DAB1: variants seen among roughly 807,000 people sequenced by gnomAD.
DAB1 encodes the protein disabled homolog 1.
Under a neutral mutation model 64.6 loss-of-function variants are expected in DAB1, and 15 were observed. That is an observed-to-expected ratio of 0.23 (90% CI 0.16 to 0.36). The LOEUF is 0.36. DAB1 is among the 10% of genes least tolerant of loss of function. The pLI is 1.00. For missense variants in DAB1, 596 were observed against 706.7 expected, an observed-to-expected ratio of 0.84 and a Z score of 1.78; for synonymous variants, 235 against 251.9, an observed-to-expected ratio of 0.93 and a Z score of 0.64.
At chr1:58,002,283 G>A (rs1280567080) in intron 5 of DAB1, among the ~76,000 whole-genome samples, 1 of 152,158 alleles carries the variant, frequency 6.6e-6, no homozygotes, top group African/African-American at 2.4e-5. Flanking sequence ...TTCCTTAACT[G>A]ATGAATTGGC....
In DAB1 at chr1:57,163,293, A is replaced by G. The variant is rs572249844; in HGVS notation, c.68-17864T>C. ...GAGTGACTGGGAAAGGGTGGGGAAC[A>G]ATTAATTTAGACAGGCTGGTCCATG... On this transcript the variant is annotated intron_variant, in intron 2 of 14. Transcript: ENST00000371236. 5.3e-5 allele frequency among the ~76,000 whole-genome samples: 8 copies of G among 152,310 alleles called. No individual in the cohort carries two copies. The South Asian group carries it at 1.7e-3, about 32-fold the overall frequency.
At chr1:58,337,728 A>G in intron 4 of DAB1, among the ~76,000 whole-genome samples, 1 of 152,318 alleles carries the variant, frequency 6.6e-6, no homozygotes, top group South Asian at 2.1e-4. Context: ...ATACATGTGT[A>G]TTAATCATAT....
intron 6 of DAB1, among the ~76,000 whole-genome samples, chr1:57,808,900 C>G (rs12024987): frequency 0.22 from 33,927 of 151,884 alleles, 4,291 homozygotes; most frequent in African/African-American, 0.35. Context: ...GATTGCAACT[C>G]TGTGTGAGCT....
chr1:57,559,456 G>C (rs1645026528), intron 7 of DAB1, among the ~76,000 whole-genome samples: 1 of 152,172 alleles, frequency 6.6e-6, no homozygotes, highest in African/African-American at 2.4e-5. Context: ...GGGGACCTCT[G>C]GCCTTTTAAC....
intron 9 of DAB1, among the ~76,000 whole-genome samples, chr1:57,057,471 T>C (rs1216360476): frequency 6.6e-6 from 1 of 152,208 alleles, no homozygotes; most frequent in Non-Finnish European, 1.5e-5. Context: ...ATGTAACTGA[T>C]ACACTCTTAA....
At chr1:57,828,049 C>T (rs1358618420) in intron 1 of DAB1, among the ~76,000 whole-genome samples, 1 of 152,110 alleles carries the variant, frequency 6.6e-6, no homozygotes, top group Non-Finnish European at 1.5e-5. Context: ...GGGTTCACGC[C>T]ATTCTCCTGC....
intron 5 of DAB1, among the ~76,000 whole-genome samples, chr1:57,964,524 G>T (rs2040096): frequency 0.4 from 60,215 of 151,998 alleles, 12,573 homozygotes; most frequent in Admixed American, 0.49. Flanking sequence ...GCCTATTTCA[G>T]TACAGAGAGT....
At chr1:58,255,272 T>C (rs1474638803) in intron 4 of DAB1, among the ~76,000 whole-genome samples, 1 of 151,802 alleles carries the variant, frequency 6.6e-6, no homozygotes, top group African/African-American at 2.4e-5. Context: ...TGTAAATTTG[T>C]TTGAGTTCAT....
intron 1 of DAB1, among the ~76,000 whole-genome samples, chr1:57,297,482 A>C (rs906586903): frequency 1.3e-5 from 2 of 152,142 alleles, no homozygotes; most frequent in Admixed American, 1.3e-4. Context: ...GAAAAAACAC[A>C]TATACATGTA....
At chr1:57,322,321 A>AT (rs1360779261) in intron 1 of DAB1, among the ~76,000 whole-genome samples, 1 of 152,112 alleles carries the variant, frequency 6.6e-6, no homozygotes, top group Admixed American at 6.5e-5. Context: ...TCATATTGTG[A>AT]TTTTCTTAGC....
At chr1:58,146,878 G>A (rs1288131121) in intron 5 of DAB1, among the ~76,000 whole-genome samples, 1 of 152,018 alleles carries the variant, frequency 6.6e-6, no homozygotes, top group Non-Finnish European at 1.5e-5. Context: ...CTTGGCTATT[G>A]TGTAATGCTG....
At chr1:58,044,852 T>C (rs1378579234) in intron 5 of DAB1, among the ~76,000 whole-genome samples, 1 of 152,166 alleles carries the variant, frequency 6.6e-6, no homozygotes, top group African/African-American at 2.4e-5. Flanking sequence ...ATAACAAATA[T>C]ATAATAATAA....
At chr1:58,066,204 TC>T (rs1476169961) in intron 5 of DAB1, among the ~76,000 whole-genome samples, 1 of 152,054 alleles carries the variant, frequency 6.6e-6, no homozygotes, top group Non-Finnish European at 1.5e-5. Context: ...AGGCAGATCC[TC>T]AAAACAACAA....
intron 6 of DAB1, among the ~76,000 whole-genome samples, chr1:57,717,474 T>C (rs1318748597): frequency 2.0e-5 from 3 of 151,992 alleles, no homozygotes; most frequent in African/African-American, 7.2e-5. Context: ...TTGGTGGGAA[T>C]GTAAATAAGT....
Position 58,123,926 on chromosome 1 carries a change from T to C in DAB1, n.387+26585A>G, listed in dbSNP as rs544764093. On this transcript the variant is annotated intron_variant and non_coding_transcript_variant, in intron 5 of 20. Coordinates refer to the DAB1 transcript ENST00000485760. ...ATATACTAATACACACACACACACA[T>C]ACAACTTTGGTGCAAGACAGTCAGT... is the stretch of plus-strand genomic sequence containing the variant. Among the ~76,000 whole-genome samples the C allele has an allele frequency of 1.3e-4, 20 of 152,180 alleles. 1 individual carries two copies. In the East Asian group the frequency reaches 3.5e-3, roughly 26 times the overall value.
chr1:57,640,066 A>T (rs1357794674), intron 7 of DAB1, among the ~76,000 whole-genome samples: 2 of 152,096 alleles, frequency 1.3e-5, no homozygotes, highest in Non-Finnish European at 2.9e-5. Context: ...GCACGAGAGG[A>T]AGTAGAGGCT....
chr1:58,283,716 C>CT (rs1557722149), intron 4 of DAB1, among the ~76,000 whole-genome samples: 1 of 152,214 alleles, frequency 6.6e-6, no homozygotes, highest in South Asian at 2.1e-4. Flanking sequence ...CTGTAAAACT[C>CT]TTAGAACAGT....
chr1:57,979,724 T>C (rs951702269), intron 5 of DAB1, among the ~76,000 whole-genome samples: 2 of 152,194 alleles, frequency 1.3e-5, no homozygotes, highest in Admixed American at 1.3e-4. Flanking sequence ...GTTAAGTACA[T>C]TGATAACCCA....
intron 5 of DAB1, among the ~76,000 whole-genome samples, chr1:58,111,251 C>T (rs1651950384): frequency 1.3e-5 from 2 of 152,236 alleles, no homozygotes; most frequent in African/African-American, 4.8e-5. Flanking sequence ...GTTACTTCTC[C>T]TCTCTGGGCC....
Sources: gnomAD v4.1 joint callset for allele counts (sites outside exome capture counted in the v4.1 genomes callset) on GRCh38, gnomAD v4.1.1 for gene constraint, MANE v1.5 for transcripts, NCBI Gene and HGNC (gene_info 2026-07-23, HGNC 2026-07-21) for gene names.